STX16: variants seen among roughly 807,000 people sequenced by gnomAD.
The protein encoded by STX16 is syntaxin-16.
Under a neutral mutation model 42.7 loss-of-function variants are expected in STX16, and 28 were observed. The observed-to-expected ratio is 0.66, with a 90% CI of 0.49 to 0.90. The LOEUF (loss-of-function observed/expected upper bound fraction) is 0.90. Ranked by LOEUF, STX16 falls within the 40% of genes least tolerant of loss-of-function variation. The probability of loss-of-function intolerance (pLI) is 0.00; values close to 1 mark genes in which losing one functional copy is unlikely to be tolerated. For missense variants in STX16, 361 were observed against 420.9 expected, an observed-to-expected ratio of 0.86 and a Z score of 1.24; for synonymous variants, 156 against 155.2, an observed-to-expected ratio of 1.00 and a Z score of -0.04.
intron 2 of STX16, among the ~76,000 whole-genome samples, chr20:58,661,593 T>C (rs561177397): frequency 8.5e-5 from 13 of 152,386 alleles, no homozygotes; most frequent in African/African-American, 3.1e-4. Context: ...TTTCATGAAG[T>C]GTGGCTTCCA....
In STX16 at chr20:58,676,508, G is replaced by A. The variant is rs145140409; in HGVS notation, c.*217G>A. The stretch of plus-strand genomic sequence containing the variant: ...TTTCCTTCATTGTTGAGAATTTAAG[G>A]ACCTTTGATACTGCTGCACAATAGA... On this transcript the variant is annotated 3_prime_UTR_variant, in exon 9 of 9. Coordinates refer to ENST00000371141, the MANE Select transcript of STX16 (RefSeq NM_001001433.3). 5 of 546,170 alleles carry A rather than the reference G, an allele frequency of 9.2e-6. No individual in the cohort carries two copies. The highest frequency in any genetic ancestry group is 1.6e-5 in the Non-Finnish European group (5 of 307,456). 33.8% of individuals were successfully genotyped at this position (546,170 alleles called of 1,614,324 possible).
At chr20:58,670,264 C>T (rs1378316089) in intron 5 of STX16, among the ~76,000 whole-genome samples, 2 of 152,166 alleles carry the variant, frequency 1.3e-5, no homozygotes, top group African/African-American at 4.8e-5. Context: ...TTTATCTTGG[C>T]ATCAAGTGAA....
At chr20:58,675,160 A>C (rs2084076674) in intron 8 of STX16, among the ~76,000 whole-genome samples, 1 of 149,236 alleles carries the variant, frequency 6.7e-6, no homozygotes, top group Non-Finnish European at 1.5e-5. Flanking sequence ...CCATGACCGG[A>C]CTCTCGGTGC....
At chr20:58,658,849 GA>G (rs947919565) in intron 1 of STX16, among the ~76,000 whole-genome samples, 17 of 152,010 alleles carry the variant, frequency 1.1e-4, no homozygotes, top group Non-Finnish European at 1.9e-4. Context: ...CCCCTTAAAA[GA>G]AAAAAATTAT....
At chr20:58,662,039 C>T (rs2083712536) in intron 2 of STX16, among the ~76,000 whole-genome samples, 1 of 152,202 alleles carries the variant, frequency 6.6e-6, no homozygotes, top group African/African-American at 2.4e-5. Context: ...AAGGTGTTCC[C>T]TGAGGAGGAC....
rs2083601587 is a variant in STX16, at chr20:58,657,103, G to A, written c.133-2520G>A. Among the ~76,000 whole-genome samples the A allele has an allele frequency of 6.6e-6, 1 of 152,200 alleles. No individual in the cohort carries two copies. The highest frequency in any genetic ancestry group is 2.1e-4 in the South Asian group (1 of 4,824). ...GTGCTGCAGATCCTGGAAAATGGAAGGACCTATTGTTTTAAAACAATTTTT... is the reference window on the plus strand; with the variant it reads ...GTGCTGCAGATCCTGGAAAATGGAAAGACCTATTGTTTTAAAACAATTTTT... On this transcript the variant is annotated intron_variant, in intron 1 of 8. Coordinates refer to ENST00000371141, the MANE Select transcript of STX16 (RefSeq NM_001001433.3). The surrounding 1 kb of genome is among the most constrained non-coding windows in gnomAD (Gnocchi z 4.2).
At chr20:58,667,621 G>A (rs1601028510) in intron 3 of STX16, 24 bp downstream of exon 3, 1 of 1,587,274 alleles carries the variant, frequency 6.3e-7, no homozygotes, top group East Asian at 2.2e-5. Context: ...TAGTTTCATA[G>A]CATCTTGTTT....
Position 58,676,360 on chromosome 20 carries a change from C to A in STX16, c.*69C>A. 1 of 1,397,140 alleles carries A rather than the reference C, an allele frequency of 7.2e-7. No individual in the cohort carries two copies. Among genetic ancestry groups the A allele is most frequent in the Non-Finnish European group, 1.0e-6 (1 of 984,452 alleles). The allele number at this position is 1,397,140 out of a possible 1,614,324, so 86.5% of individuals were successfully genotyped here. ...GGTGTGAGGGGCTTGGCCTGCGCCC[C>A]GCCAGCTGCCCGCAGAGGTGCAGCC... On this transcript the variant is annotated 3_prime_UTR_variant, in exon 9 of 9. Transcript: ENST00000371141.
chr20:58,659,020 T>A (rs1308950112), intron 1 of STX16, among the ~76,000 whole-genome samples: 1 of 152,226 alleles, frequency 6.6e-6, no homozygotes, highest in Admixed American at 6.5e-5. Flanking sequence ...TTCTCAGCTC[T>A]CTTACTACCA....
rs2084128539 is a variant in STX16, at chr20:58,676,426, C to G, written c.*135C>G. 2 of 718,082 alleles carry G rather than the reference C, an allele frequency of 2.8e-6. No individual in the cohort carries two copies. Among genetic ancestry groups the G allele is most frequent in the Non-Finnish European group, 2.5e-6 (1 of 406,944 alleles). 44.5% of individuals were successfully genotyped at this position (718,082 alleles called of 1,614,324 possible). On this transcript the variant is annotated 3_prime_UTR_variant, in exon 9 of 9. Transcript: ENST00000371141. ...GCGTCGGGGCAGCGAACCTTTGCAT[C>G]CACGGACTCCTCCTTCCCTAGTCCT...
chr20:58,673,604 T>C lies in STX16; in HGVS notation c.793-27T>C, dbSNP rs772158197. The stretch of plus-strand genomic sequence containing the variant: ...AGTTTTCCCAGTTGCTATTGTTGAT[T>C]GTCTGTAACTGTCATTTATTACCTA... On this transcript the variant is annotated intron_variant, in intron 7 of 8. Transcript: ENST00000371141. 4.5e-5 allele frequency: 67 copies of C among 1,505,080 alleles called. 1 individual carries two copies. Among genetic ancestry groups the C allele is most frequent in the Non-Finnish European group, 6.0e-5 (65 of 1,084,940 alleles). The allele number at this position is 1,505,080 out of a possible 1,614,324, so 93.2% of individuals were successfully genotyped here. A position where few individuals can be genotyped will look rare whatever the true frequency, so the allele number is the denominator to read the frequency against.
At chr20:58,653,033 T>C (rs561064382) in intron 1 of STX16, among the ~76,000 whole-genome samples, 1 of 152,338 alleles carries the variant, frequency 6.6e-6, no homozygotes, top group African/African-American at 2.4e-5. Flanking sequence ...GGATGATCTA[T>C]ACCAGACAGT....
rs375076301 is a variant in STX16, at chr20:58,674,121, C to G, written c.873+410C>G. 1.3e-3 allele frequency among the ~76,000 whole-genome samples: 200 copies of G among 152,226 alleles called. 6 individuals are homozygous for G. In the South Asian group the frequency reaches 0.041, roughly 31 times the overall value. On this transcript the variant is annotated intron_variant, in intron 8 of 8. Transcript: ENST00000371141. ...ACTTGGGCCTCTCTTGTGATACATTCCTGATGAATTGCTGATGGAGAATCA... is the reference window on the plus strand; with the variant it reads ...ACTTGGGCCTCTCTTGTGATACATTGCTGATGAATTGCTGATGGAGAATCA...
chr20:58,656,970 C>T (rs1318215288), intron 1 of STX16, among the ~76,000 whole-genome samples: 1 of 152,210 alleles, frequency 6.6e-6, no homozygotes, highest in Admixed American at 6.5e-5. Context: ...GGCCCAGTGT[C>T]ACCCACCTGA....
intron 1 of STX16, among the ~76,000 whole-genome samples, chr20:58,655,745 A>G (rs16982199): frequency 0.081 from 12,286 of 152,194 alleles, 542 homozygotes; most frequent in African/African-American, 0.096. Context: ...GTTACCCAGA[A>G]TTCTTTCCAG....
At chr20:58,661,771 T>C (rs2083706801) in intron 2 of STX16, among the ~76,000 whole-genome samples, 1 of 152,226 alleles carries the variant, frequency 6.6e-6, no homozygotes, top group Non-Finnish European at 1.5e-5. Context: ...TCTTTGAAGC[T>C]GACGCAGGGC....
rs2083915543 is a variant in STX16, at chr20:58,669,368, G to C, written c.471G>C (p.Leu157=). 6.2e-7 allele frequency: 1 copy of C among 1,611,810 alleles called. No individual in the cohort carries two copies. Among genetic ancestry groups the C allele is most frequent in the Admixed American group, 1.7e-5 (1 of 59,758 alleles). The part of the protein sequence containing the change: ...ARACSEQEGR[L]LGNVVASLAQ... ...CCTGCTCCGAGCAGGAGGGGCGGCTGCTTGGGAACGTGGTGGCCTCGCTGG... is the reference window on the plus strand; with the variant it reads ...CCTGCTCCGAGCAGGAGGGGCGGCTCCTTGGGAACGTGGTGGCCTCGCTGG... The change falls in exon 5 of 9, where the codon CTG becomes CTC. Residue 157 remains leucine, a synonymous_variant. Coordinates refer to ENST00000371141, the MANE Select transcript of STX16 (RefSeq NM_001001433.3).
At chr20:58,672,940 A>G (rs1568829221) in intron 7 of STX16, among the ~76,000 whole-genome samples, 2 of 152,154 alleles carry the variant, frequency 1.3e-5, no homozygotes, top group African/African-American at 4.8e-5. Flanking sequence ...GCTCTGGAAG[A>G]TCCAGTTACA....
chr20:58,674,723 T>G (rs572242320), intron 8 of STX16, among the ~76,000 whole-genome samples: 13 of 151,988 alleles, frequency 8.6e-5, no homozygotes, highest in Admixed American at 7.8e-4. Context: ...CTATGCAGGG[T>G]TTTTTTAAGC....
Sources: gnomAD v4.1 joint callset for allele counts (sites outside exome capture counted in the v4.1 genomes callset) on GRCh38, gnomAD v4.1.1 for gene constraint, Gnocchi (gnomAD v3.1) non-coding constraint, MANE v1.5 for transcripts, NCBI Gene and HGNC (gene_info 2026-07-23, HGNC 2026-07-21) for gene names.